AKR1B1: variants seen among roughly 807,000 people sequenced by gnomAD.
AKR1B1 encodes the protein aldo-keto reductase family 1 member B, also known as aldo-keto reductase family 1 member B1.
Under a neutral mutation model 40.4 loss-of-function variants are expected in AKR1B1, and 22 were observed. That is an observed-to-expected ratio of 0.54 (90% CI 0.39 to 0.78). The LOEUF is 0.78. Ranked by LOEUF, AKR1B1 falls within the 30% of genes least tolerant of loss-of-function variation. AKR1B1 has a pLI of 0.00. For synonymous variants in AKR1B1, 157 were observed against 149.9 expected (o/e 1.05, Z -0.35); for missense variants, 357 against 396.7 (o/e 0.90, Z 0.85).
Position 134,449,027 on chromosome 7 carries a change from A to G in AKR1B1, c.522T>C (p.Pro174=), listed in dbSNP as rs781218518. Reference sequence around the variant, plus strand: ...TAACTGCAGGCTTATACTTCAAGCCAGGTTTGTTTAAGATCATCTCCACCT... The same window carrying G: ...TAACTGCAGGCTTATACTTCAAGCCGGGTTTGTTTAAGATCATCTCCACCT... ...HLQVEMILNK[P]GLKYKPAVNQ... Residue 174 remains proline, a synonymous_variant, in exon 5 of 10, where the codon CCT becomes CCC. Transcript: ENST00000285930. The G allele has an allele frequency of 3.1e-6, 5 of 1,614,154 alleles. No individual in the cohort carries two copies. The highest frequency in any genetic ancestry group is 4.2e-6 in the Non-Finnish European group (5 of 1,180,022).
At chr7:134,447,179 T>C (rs757610307) in intron 8 of AKR1B1, 119 bp downstream of exon 8, 2 of 942,654 alleles carry the variant, frequency 2.1e-6, no homozygotes, top group Non-Finnish European at 3.3e-6. Context: ...CACAGCTCCC[T>C]GGCCTCAGAA....
Position 134,455,834 on chromosome 7 carries a change from T to C in AKR1B1, c.66+3163A>G, listed in dbSNP as rs142382493. Among the ~76,000 whole-genome samples, 10 of 152,298 alleles carry C rather than the reference T, an allele frequency of 6.6e-5. No individual in the cohort carries two copies. The East Asian group carries it at 1.7e-3, about 26-fold the overall frequency. On this transcript the variant is annotated intron_variant, in intron 1 of 9. Coordinates refer to ENST00000285930, the MANE Select transcript of AKR1B1 (RefSeq NM_001628.4). The stretch of plus-strand genomic sequence containing the variant: ...CTGACCTCAGGTGATCCACCCGCCT[T>C]GGCCTTCCAAAGTGCTGGGATTACA...
At chr7:134,458,872 G>T in intron 1 of AKR1B1, 125 bp downstream of exon 1, 1 of 1,138,954 alleles carries the variant, frequency 8.8e-7, no homozygotes, top group East Asian at 2.6e-5. Context: ...AAGCCCGCGC[G>T]TGGCTCCCAG....
rs779922124 is a variant in AKR1B1, at chr7:134,447,290, G to C, written c.825+8C>G. On this transcript the variant is annotated splice_region_variant and intron_variant, in intron 8 of 9. Transcript: ENST00000285930. Reference sequence around the variant, plus strand: ...AGGAGGGCCAGGCCTGACCAGCCAAGATCTTACCTTAAAGTTCTCAGCAAT... The same window carrying C: ...AGGAGGGCCAGGCCTGACCAGCCAACATCTTACCTTAAAGTTCTCAGCAAT... 1.2e-6 allele frequency: 2 copies of C among 1,613,550 alleles called. No individual in the cohort carries two copies. The highest frequency in any genetic ancestry group is 2.2e-5 in the South Asian group (2 of 91,064).
chr7:134,451,124 G>C (rs1270430728), intron 2 of AKR1B1, among the ~76,000 whole-genome samples: 1 of 152,206 alleles, frequency 6.6e-6, no homozygotes, highest in Non-Finnish European at 1.5e-5. Flanking sequence ...ACACAAAATG[G>C]AATGGACAGA....
At chr7:134,445,170 A>T (rs1486052016) in intron 9 of AKR1B1, 68 bp downstream of exon 9, 2 of 1,374,874 alleles carry the variant, frequency 1.5e-6, no homozygotes, top group Non-Finnish European at 2.0e-6. Flanking sequence ...GCCTGCAGGG[A>T]TCACTCTCTT....
At position 134,443,715 on chromosome 7, in the gene AKR1B1, C is replaced by T. The variant is rs146804381; in HGVS notation, c.909-945G>A. Among the ~76,000 whole-genome samples, 490 of 152,042 alleles carry T rather than the reference C, an allele frequency of 3.2e-3. 2 individuals carry two copies. The highest frequency in any genetic ancestry group is 0.011 in the African/African-American group (469 of 41,472). ...ACTGGACAGATAGCTGGGCAGCTCA[C>T]GCAAGGCCAGAGTTATGTAATCTGA... On this transcript the variant is annotated intron_variant, in intron 9 of 9. Coordinates refer to ENST00000285930, the MANE Select transcript of AKR1B1 (RefSeq NM_001628.4).
intron 5 of AKR1B1, 136 bp downstream of exon 5, chr7:134,448,861 T>A (rs1806191456): frequency 2.8e-6 from 3 of 1,059,698 alleles, no homozygotes. Flanking sequence ...TCATGCTGAA[T>A]CATAACTCAG....
chr7:134,447,401 G>A lies in AKR1B1; in HGVS notation c.742-20C>T. 6.2e-7 allele frequency: 1 copy of A among 1,610,198 alleles called. No homozygotes were observed. The highest frequency in any genetic ancestry group is 8.5e-7 in the Non-Finnish European group (1 of 1,176,654). On this transcript the variant is annotated intron_variant, in intron 7 of 9. Transcript: ENST00000285930. ...CAGGACCTGTGAGCCCAAGGAGACA[G>A]TGAGTGTGTATACATGCCAGGCACT...
rs1406760901 is a variant in AKR1B1 at position 134,448,472 on chromosome 7, T to TGAGATATGGGTGGC, written c.560_573dup (p.Thr192AlafsTer10). ...CAGTACTGGATTAACTTCTCCTGAGTGAGATATGGGTGGCACTCAATCTGC... is the reference window on the plus strand; with the variant it reads ...CAGTACTGGATTAACTTCTCCTGAGTGAGATATGGGTGGCGAGATATGGGTGGCACTCAATCTGC... On this transcript the variant is annotated frameshift_variant, in exon 6 of 10. Transcript: ENST00000285930. LOFTEE classifies it high-confidence loss of function. The TGAGATATGGGTGGC allele has an allele frequency of 6.2e-7, 1 of 1,613,870 alleles. No homozygotes were observed. Among genetic ancestry groups the TGAGATATGGGTGGC allele is most frequent in the Non-Finnish European group, 8.5e-7 (1 of 1,179,896 alleles).
intron 9 of AKR1B1, among the ~76,000 whole-genome samples, chr7:134,443,265 T>A (rs1805995199): frequency 6.6e-6 from 1 of 152,114 alleles, no homozygotes; most frequent in Admixed American, 6.5e-5. Context: ...CTTTTTAAAT[T>A]AACCAGGCAT....
intron 8 of AKR1B1, 125 bp from the exon 9 acceptor site, chr7:134,445,445 G>C: frequency 2.5e-6 from 2 of 796,550 alleles, no homozygotes; most frequent in Non-Finnish European, 4.2e-6. Flanking sequence ...ACTGAACTTA[G>C]GAAAAGCTGA....
In AKR1B1 at chr7:134,450,771, C is replaced by T. The variant is rs750357357; in HGVS notation, c.351+15G>A. The T allele has an allele frequency of 7.5e-6, 12 of 1,607,126 alleles. No individual in the cohort carries two copies. Among genetic ancestry groups the T allele is most frequent in the South Asian group, 2.2e-5 (2 of 90,928 alleles). On this transcript the variant is annotated intron_variant, in intron 3 of 9. Coordinates refer to ENST00000285930, the MANE Select transcript of AKR1B1 (RefSeq NM_001628.4). ...TGAGCCCCAAGGGACCTGGTCTGCA[C>T]CAGGCATCCCATACCTTAAAGCCAG...
chr7:134,451,090 G>A, intron 2 of AKR1B1, 188 bp from the exon 3 acceptor site: 1 of 674,976 alleles, frequency 1.5e-6, no homozygotes, highest in Admixed American at 2.1e-5. Context: ...CCAGGTCACA[G>A]AGACCTCTTA....
At chr7:134,445,143 A>G (rs1806055173) in intron 9 of AKR1B1, 95 bp downstream of exon 9, 1 of 1,086,490 alleles carries the variant, frequency 9.2e-7, no homozygotes, top group Non-Finnish European at 1.4e-6. Flanking sequence ...CTGTGACGAG[A>G]GCACATTGGC....
At chr7:134,444,261 T>C (rs780723462) in intron 9 of AKR1B1, among the ~76,000 whole-genome samples, 4 of 152,238 alleles carry the variant, frequency 2.6e-5, no homozygotes. Context: ...ACATGCTCTG[T>C]TTGCGGCCTA....
In AKR1B1 at chr7:134,448,997, C is replaced by T; in HGVS notation, c.552G>A (p.Gln184=). Residue 184 remains glutamine, a splice_region_variant and synonymous_variant, in exon 5 of 10, where the codon CAG becomes CAA. Transcript: ENST00000285930. ...GCCAGTGTCGTTGGGGGATGTTTAC[C>T]TGGTTAACTGCAGGCTTATACTTCA... ...PGLKYKPAVN[Q]IECHPYLTQE... 6.2e-7 allele frequency: 1 copy of T among 1,614,058 alleles called. No homozygotes were observed. The highest frequency in any genetic ancestry group is 8.5e-7 in the Non-Finnish European group (1 of 1,180,014).
At chr7:134,449,395 G>A in intron 4 of AKR1B1, 8 of 563,614 alleles carry the variant, frequency 1.4e-5, no homozygotes, top group South Asian at 1.0e-4. Context: ...GACCATCCTG[G>A]CTAACACGGT....
intron 1 of AKR1B1, among the ~76,000 whole-genome samples, chr7:134,452,370 G>A (rs1449255186): frequency 2.6e-5 from 4 of 152,184 alleles, no homozygotes; most frequent in Non-Finnish European, 4.4e-5. Flanking sequence ...GTGGAGACAC[G>A]GGAGATGGCC....
Sources: gnomAD v4.1 joint callset for allele counts (sites outside exome capture counted in the v4.1 genomes callset) on GRCh38, gnomAD v4.1.1 for gene constraint, MANE v1.5 for transcripts, NCBI Gene and HGNC (gene_info 2026-07-23, HGNC 2026-07-21) for gene names.